The following NYAP2 variants were observed in gnomAD, a reference collection of about 807,000 sequenced individuals.
The protein encoded by NYAP2 is neuronal tyrosine-phosphorylated phosphoinositide-3-kinase adapter 2.
A neutral mutation model predicts 50.4 loss-of-function variants in NYAP2; 23 were observed. That is an observed-to-expected ratio of 0.46 (90% CI 0.33 to 0.65). The LOEUF (loss-of-function observed/expected upper bound fraction) is 0.65. NYAP2 is among the 30% of genes least tolerant of loss of function. The probability of loss-of-function intolerance (pLI) is 0.02; values close to 1 mark genes in which losing one functional copy is unlikely to be tolerated. For synonymous variants in NYAP2, 394 were observed against 365.2 expected (o/e 1.08, Z -0.90); for missense variants, 885 against 861.0 (o/e 1.03, Z -0.35).
At chr2:225,406,090 G>C (rs968287412) in intron 2 of NYAP2, among the ~76,000 whole-genome samples, 2 of 151,442 alleles carry the variant, frequency 1.3e-5, no homozygotes, top group African/African-American at 4.9e-5. Context: ...CTCACAACAA[G>C]GGTCTATTCC....
At chr2:225,449,601 C>CTTTTTTTTTT (rs201552006) in intron 3 of NYAP2, among the ~76,000 whole-genome samples, 10 of 96,308 alleles carry the variant, frequency 1.0e-4, no homozygotes, top group East Asian at 3.0e-4. Context: ...CTCTCTTTCT[C>CTTTTTTTTTT]TTTTTTTTTT....
At chr2:225,651,481 GCCT>G in exon 7 of NYAP2, 1 of 1,614,000 alleles carries the variant, frequency 6.2e-7, no homozygotes, top group Non-Finnish European at 8.5e-7. Flanking sequence ...CGTCAGGTGT[GCCT>G]CCTCCATCAG....
chr2:225,438,664 A>G (rs1247069719), intron 3 of NYAP2, among the ~76,000 whole-genome samples: 1 of 152,254 alleles, frequency 6.6e-6, no homozygotes, highest in Non-Finnish European at 1.5e-5. Context: ...GTAAAACAAG[A>G]AGACAATCTA....
intron 6 of NYAP2, among the ~76,000 whole-genome samples, chr2:225,631,249 G>A (rs560162703): frequency 1.8e-4 from 27 of 152,302 alleles, no homozygotes; most frequent in Admixed American, 1.6e-3. Flanking sequence ...AATTCAGAGT[G>A]TAAACAGAAT....
chr2:225,517,672 T>G (rs1468110619), intron 4 of NYAP2, among the ~76,000 whole-genome samples: 19 of 152,170 alleles, frequency 1.2e-4, no homozygotes, highest in Admixed American at 1.2e-3. Flanking sequence ...CAAATAGAGC[T>G]GAATACCTTA....
At chr2:225,579,561 G>T (rs1406368251) in intron 4 of NYAP2, among the ~76,000 whole-genome samples, 7 of 152,158 alleles carry the variant, frequency 4.6e-5, no homozygotes, top group African/African-American at 1.7e-4. Context: ...AATGGCATTT[G>T]CTCACAATTG....
chr2:225,651,311 C>T lies in NYAP2; in HGVS notation c.1829-121C>T, dbSNP rs528062991. 4.7e-4 allele frequency: 616 copies of T among 1,318,178 alleles called. 4 individuals carry two copies. The African/African-American group carries it at 8.0e-3, about 17-fold the overall frequency. The allele number at this position is 1,318,178 out of a possible 1,614,324, so 81.7% of individuals were successfully genotyped here. ...TTATCACCTGCTACTTATTAGCAAACATCAGGAGCATTTTGTATATTCCAA... is the reference window on the plus strand; with the variant it reads ...TTATCACCTGCTACTTATTAGCAAATATCAGGAGCATTTTGTATATTCCAA... On this transcript the variant is annotated intron_variant, in intron 6 of 6. Coordinates refer to ENST00000636099, the Ensembl canonical transcript of NYAP2.
chr2:225,567,261 T>C (rs1691978895), intron 4 of NYAP2, among the ~76,000 whole-genome samples: 1 of 152,054 alleles, frequency 6.6e-6, no homozygotes, highest in African/African-American at 2.4e-5. Flanking sequence ...GTATATGGGA[T>C]CCATAGCTGA....
chr2:225,574,831 G>A (rs1692144267), intron 4 of NYAP2, among the ~76,000 whole-genome samples: 1 of 152,164 alleles, frequency 6.6e-6, no homozygotes, highest in Non-Finnish European at 1.5e-5. Context: ...GTCAACAGGG[G>A]CTCTTATAGT....
chr2:225,524,639 A>T (rs980325239), intron 4 of NYAP2, among the ~76,000 whole-genome samples: 1 of 152,194 alleles, frequency 6.6e-6, no homozygotes, highest in African/African-American at 2.4e-5. Flanking sequence ...CTGAAGCTAT[A>T]CAAGTCCTAG....
At chr2:225,634,053 G>A (rs1390055104) in intron 6 of NYAP2, among the ~76,000 whole-genome samples, 4 of 152,144 alleles carry the variant, frequency 2.6e-5, no homozygotes, top group Admixed American at 2.0e-4. Flanking sequence ...CCTGGACAAG[G>A]AAATGCTAGC....
intron 3 of NYAP2, among the ~76,000 whole-genome samples, chr2:225,436,221 T>C (rs976802763): frequency 6.6e-6 from 1 of 152,232 alleles, no homozygotes. Flanking sequence ...TCTTTAAACA[T>C]GTATCAGTTT....
chr2:225,546,281 C>T (rs746186779), intron 4 of NYAP2, among the ~76,000 whole-genome samples: 9 of 152,174 alleles, frequency 5.9e-5, no homozygotes, highest in Non-Finnish European at 8.8e-5. Flanking sequence ...CGACAAGTTC[C>T]GCTGGGCCCC....
At chr2:225,638,269 G>T (rs1266056295) in intron 6 of NYAP2, among the ~76,000 whole-genome samples, 2 of 151,694 alleles carry the variant, frequency 1.3e-5, no homozygotes, top group Non-Finnish European at 2.9e-5. Context: ...TAGAAGAGGG[G>T]TGAGAAGTGT....
At chr2:225,570,711 A>C (rs1559217511) in intron 4 of NYAP2, among the ~76,000 whole-genome samples, 1 of 152,204 alleles carries the variant, frequency 6.6e-6, no homozygotes, top group Non-Finnish European at 1.5e-5. Flanking sequence ...GGGTGGGGAC[A>C]TAACCAAACC....
chr2:225,583,064 A>C (rs746882805), intron 5 of NYAP2, 29 bp downstream of exon 5: 2 of 1,595,120 alleles, frequency 1.3e-6, no homozygotes, highest in Non-Finnish European at 1.7e-6. Context: ...CCTGAGCCCC[A>C]GAGCCCAGTG....
chr2:225,454,695 A>G (rs1267405388), intron 3 of NYAP2, among the ~76,000 whole-genome samples: 1 of 152,182 alleles, frequency 6.6e-6, no homozygotes, highest in Admixed American at 6.5e-5. Flanking sequence ...TACGCATGCG[A>G]AGAATCTAGT....
intron 3 of NYAP2, among the ~76,000 whole-genome samples, chr2:225,444,084 A>G (rs1201831296): frequency 6.6e-6 from 1 of 152,026 alleles, no homozygotes; most frequent in Non-Finnish European, 1.5e-5. Flanking sequence ...CTCATGTTGC[A>G]TTTTTTTCAG....
chr2:225,504,556 AG>A (rs1690669223), intron 3 of NYAP2, among the ~76,000 whole-genome samples: 1 of 152,214 alleles, frequency 6.6e-6, no homozygotes, highest in Non-Finnish European at 1.5e-5. Flanking sequence ...TTCTTTATAA[AG>A]ATAAGCATAA....
Sources: gnomAD v4.1 joint callset for allele counts (sites outside exome capture counted in the v4.1 genomes callset) on GRCh38, gnomAD v4.1.1 for gene constraint, MANE v1.5 for transcripts, NCBI Gene and HGNC (gene_info 2026-07-23, HGNC 2026-07-21) for gene names.